APLF: variants seen among roughly 807,000 people sequenced by gnomAD.
APLF encodes aprataxin and PNKP like factor.
A neutral mutation model predicts 55.6 loss-of-function variants in APLF; 61 were observed. The ratio of observed to expected loss-of-function variants is 1.10; its 90% CI spans 0.89 to 1.36. APLF has a LOEUF of 1.36. APLF is among the 40% of genes most tolerant of loss of function. The pLI is 0.00. For synonymous variants in APLF, 207 were observed against 214.8 expected, an observed-to-expected ratio of 0.96 and a Z score of 0.32; for missense variants, 611 against 602.5, an observed-to-expected ratio of 1.01 and a Z score of -0.15.
At chr2:68,477,358 G>A (rs942856191) in intron 1 of APLF, among the ~76,000 whole-genome samples, 1 of 152,174 alleles carries the variant, frequency 6.6e-6, no homozygotes, top group African/African-American at 2.4e-5. Flanking sequence ...TCTCAGCTGG[G>A]TGTGGTGGCT....
At chr2:68,539,616 C>G (rs1262493945) in intron 7 of APLF, among the ~76,000 whole-genome samples, 1 of 152,050 alleles carries the variant, frequency 6.6e-6, no homozygotes, top group Non-Finnish European at 1.5e-5. Flanking sequence ...AGGTGGGGAA[C>G]AATGCACTTC....
At chr2:68,492,439 C>G (rs961310373) in intron 2 of APLF, among the ~76,000 whole-genome samples, 2 of 152,158 alleles carry the variant, frequency 1.3e-5, no homozygotes. Context: ...GATTGTGCCA[C>G]TGCACTCCAG....
At chr2:68,541,419 T>C (rs1250949816) in intron 7 of APLF, among the ~76,000 whole-genome samples, 1 of 151,508 alleles carries the variant, frequency 6.6e-6, no homozygotes, top group African/African-American at 2.4e-5. Context: ...CAAAAATAAA[T>C]AACTAGCAAC....
intron 5 of APLF, among the ~76,000 whole-genome samples, chr2:68,518,569 T>TATATCA (rs1558539641): frequency 9.4e-6 from 1 of 106,286 alleles, no homozygotes; most frequent in African/African-American, 3.9e-5. Flanking sequence ...ATCATGAATA[T>TATATCA]ATAATATATC....
At chr2:68,516,912 T>C (rs190685680) in intron 5 of APLF, among the ~76,000 whole-genome samples, 11,088 of 128,040 alleles carry the variant, frequency 0.087, 1,465 homozygotes, top group African/African-American at 0.29. Flanking sequence ...TTATATATCC[T>C]ATATAACATT....
chr2:68,511,283 T>C (rs1677042645), intron 3 of APLF, among the ~76,000 whole-genome samples: 2 of 151,798 alleles, frequency 1.3e-5, no homozygotes, highest in Non-Finnish European at 3.0e-5. Context: ...TCTGTAGTGA[T>C]GCTTTATAAA....
At chr2:68,561,960 G>C (rs938027632) in intron 8 of APLF, among the ~76,000 whole-genome samples, 2 of 151,972 alleles carry the variant, frequency 1.3e-5, no homozygotes, top group African/African-American at 4.8e-5. Context: ...TTAAACTTCT[G>C]GTTTGTGTTG....
chr2:68,516,200 C>T (rs1179059709), intron 5 of APLF, among the ~76,000 whole-genome samples: 1 of 151,554 alleles, frequency 6.6e-6, no homozygotes, highest in African/African-American at 2.4e-5. Flanking sequence ...TAACTGAGAC[C>T]TAGCTCTGAC....
intron 8 of APLF, among the ~76,000 whole-genome samples, chr2:68,564,573 G>A (rs1671247899): frequency 6.6e-6 from 1 of 152,074 alleles, no homozygotes; most frequent in Non-Finnish European, 1.5e-5. Flanking sequence ...CACCTACCAA[G>A]CCCTTAGATT....
intron 8 of APLF, among the ~76,000 whole-genome samples, chr2:68,557,047 T>C (rs1416727214): frequency 6.6e-6 from 1 of 152,192 alleles, no homozygotes; most frequent in Admixed American, 6.5e-5. Context: ...TCCAAGTTGT[T>C]GTAATGTTAT....
intron 7 of APLF, among the ~76,000 whole-genome samples, chr2:68,539,156 T>C (rs1358317506): frequency 6.6e-6 from 1 of 152,238 alleles, no homozygotes; most frequent in Non-Finnish European, 1.5e-5. Context: ...TTTGAAACAT[T>C]TTTGTATATA....
intron 3 of APLF, among the ~76,000 whole-genome samples, chr2:68,506,046 G>A (rs889908347): frequency 1.3e-5 from 2 of 151,974 alleles, no homozygotes; most frequent in South Asian, 2.1e-4. Context: ...AACAAAAGAC[G>A]CTCCTTTCAC....
At chr2:68,471,113 GC>G (rs1323180707) in intron 1 of APLF, among the ~76,000 whole-genome samples, 1 of 152,090 alleles carries the variant, frequency 6.6e-6, no homozygotes, top group African/African-American at 2.4e-5. Context: ...CACACAGTAG[GC>G]CTTTAACACG....
intron 7 of APLF, among the ~76,000 whole-genome samples, chr2:68,539,511 C>T (rs1670489990): frequency 6.6e-6 from 1 of 152,142 alleles, no homozygotes; most frequent in Non-Finnish European, 1.5e-5. Context: ...TGGGCCCCAC[C>T]CTTATGACCT....
At chr2:68,512,644 G>A (rs1306827680) in intron 3 of APLF, among the ~76,000 whole-genome samples, 1 of 151,778 alleles carries the variant, frequency 6.6e-6, no homozygotes, top group Non-Finnish European at 1.5e-5. Flanking sequence ...ATACTTCCCT[G>A]AACTTCAGTA....
intron 1 of APLF, among the ~76,000 whole-genome samples, chr2:68,473,914 C>T (rs750115434): frequency 2.0e-5 from 3 of 152,128 alleles, no homozygotes; most frequent in Non-Finnish European, 4.4e-5. Flanking sequence ...GCATCAGCTC[C>T]CACATGTTGA....
intron 6 of APLF, chr2:68,528,443 T>G: frequency 6.5e-7 from 1 of 1,534,140 alleles, no homozygotes; most frequent in Non-Finnish European, 8.7e-7. Context: ...CCACCTCAGT[T>G]GCAGGGGAGG....
intron 3 of APLF, among the ~76,000 whole-genome samples, chr2:68,511,688 C>A (rs944388666): frequency 6.6e-6 from 1 of 151,592 alleles, no homozygotes; most frequent in Admixed American, 6.6e-5. Context: ...TTTGGAAGTA[C>A]ACCTGTAACC....
chr2:68,501,108 G>T (rs1449489073), intron 2 of APLF, among the ~76,000 whole-genome samples: 1 of 152,112 alleles, frequency 6.6e-6, no homozygotes, highest in Non-Finnish European at 1.5e-5. Flanking sequence ...GACCAAATTT[G>T]TGTCATCTCT....
Sources: allele counts gnomAD v4.1 joint callset (sites outside exome capture counted in the v4.1 genomes callset), GRCh38; gene constraint gnomAD v4.1.1; transcripts MANE v1.5; gene names NCBI Gene and HGNC (gene_info 2026-07-23, HGNC 2026-07-21).